The following SPON1 variants were observed in gnomAD, a reference collection of about 807,000 sequenced individuals.
The protein encoded by SPON1 is spondin 1, also known as spondin-1.
A neutral mutation model predicts 111.7 loss-of-function variants in SPON1; 52 were observed. The ratio of observed to expected loss-of-function variants is 0.47; its 90% CI spans 0.37 to 0.59. The LOEUF is 0.59. Among genes scored for constraint, SPON1 ranks in the 20% least tolerant of loss-of-function variants. The pLI is 0.00. For missense variants in SPON1, 957 were observed against 1,068.5 expected, an observed-to-expected ratio of 0.90 and a Z score of 1.46; for synonymous variants, 410 against 395.8, an observed-to-expected ratio of 1.04 and a Z score of -0.43.
At chr11:14,178,045 AACACACACAC>A (rs5789825) in intron 6 of SPON1, among the ~76,000 whole-genome samples, 3 of 142,606 alleles carry the variant, frequency 2.1e-5, no homozygotes, top group African/African-American at 7.6e-5. Flanking sequence ...CACACACACA[AACACACACAC>A]ACACACACAC....
chr11:14,173,112 C>T (rs1211655790), intron 6 of SPON1, among the ~76,000 whole-genome samples: 4 of 152,018 alleles, frequency 2.6e-5, no homozygotes, highest in Non-Finnish European at 4.4e-5. Flanking sequence ...CCATTCTCCC[C>T]GTCACTTTCA....
chr11:14,149,440 A>T (rs915771429), intron 6 of SPON1, among the ~76,000 whole-genome samples: 1 of 152,240 alleles, frequency 6.6e-6, no homozygotes, highest in African/African-American at 2.4e-5. Flanking sequence ...AGGTAAAAAA[A>T]AGTGTATAAA....
At chr11:14,218,912 G>T (rs1412039323) in intron 6 of SPON1, among the ~76,000 whole-genome samples, 3 of 152,178 alleles carry the variant, frequency 2.0e-5, no homozygotes, top group African/African-American at 7.2e-5. Flanking sequence ...CGTGAATTCT[G>T]AACAGTGAAG....
chr11:14,036,066 G>A (rs530154425), intron 2 of SPON1, among the ~76,000 whole-genome samples: 95 of 152,328 alleles, frequency 6.2e-4, no homozygotes, highest in Non-Finnish European at 1.2e-3. Flanking sequence ...TGTACAAAGT[G>A]CAGGAAGCAA....
At chr11:14,058,278 C>T (rs1467857793) in intron 3 of SPON1, among the ~76,000 whole-genome samples, 2 of 152,090 alleles carry the variant, frequency 1.3e-5, no homozygotes, top group East Asian at 1.9e-4. Flanking sequence ...ACCTTCATCA[C>T]ATCCCAAGTG....
In SPON1 at chr11:13,987,556, A is replaced by G. The variant is rs556014994; in HGVS notation, c.345+4603A>G. Among the ~76,000 whole-genome samples the G allele has an allele frequency of 2.0e-5, 3 of 152,264 alleles. No individual in the cohort carries two copies. In the South Asian group the frequency reaches 6.2e-4, roughly 32 times the overall value. ...TGCTGTGCAGAAGCTCTTTAGTTTA[A>G]TTAGATCCCATTTGTCAATTTTGGC... is the stretch of plus-strand genomic sequence containing the variant. On this transcript the variant is annotated intron_variant, in intron 2 of 15. Transcript: ENST00000576479.
intron 3 of SPON1, among the ~76,000 whole-genome samples, chr11:14,055,850 A>T (rs1340720123): frequency 4.6e-5 from 7 of 152,236 alleles, no homozygotes; most frequent in Admixed American, 1.3e-4. Flanking sequence ...TAGGCCCACG[A>T]GCCCAAGCTC....
chr11:14,198,934 C>T (rs554272549), intron 6 of SPON1, among the ~76,000 whole-genome samples: 2 of 152,204 alleles, frequency 1.3e-5, no homozygotes, highest in African/African-American at 4.8e-5. Flanking sequence ...ATGAGGTTTC[C>T]GAAAGATGAC....
At chr11:14,219,786 C>G (rs540047517) in intron 6 of SPON1, among the ~76,000 whole-genome samples, 1 of 152,256 alleles carries the variant, frequency 6.6e-6, no homozygotes, top group South Asian at 2.1e-4. Flanking sequence ...TTAGATAGCT[C>G]CATGATGTCC....
At chr11:14,195,125 T>C (rs1848386874) in intron 6 of SPON1, among the ~76,000 whole-genome samples, 1 of 152,196 alleles carries the variant, frequency 6.6e-6, no homozygotes, top group African/African-American at 2.4e-5. Flanking sequence ...AATGTCTTTT[T>C]CAAAAGTACA....
At chr11:13,963,984 C>T (rs1359098401) in intron 1 of SPON1, among the ~76,000 whole-genome samples, 1 of 152,172 alleles carries the variant, frequency 6.6e-6, no homozygotes, top group Non-Finnish European at 1.5e-5. Context: ...GTCGCGCCTA[C>T]GCCGCTCGGC....
chr11:13,991,423 A>G (rs1221043283), intron 2 of SPON1, among the ~76,000 whole-genome samples: 5 of 152,124 alleles, frequency 3.3e-5, no homozygotes, highest in African/African-American at 1.2e-4. Context: ...TTTCAGCTCC[A>G]TCAGGTCATT....
At chr11:14,127,505 C>A (rs955304169) in intron 5 of SPON1, among the ~76,000 whole-genome samples, 6 of 152,280 alleles carry the variant, frequency 3.9e-5, no homozygotes, top group Middle Eastern at 3.4e-3. Context: ...CCTCTCCCTT[C>A]CTATCCCTGG....
intron 3 of SPON1, among the ~76,000 whole-genome samples, chr11:14,045,478 C>T (rs1189488798): frequency 2.6e-5 from 4 of 151,598 alleles, no homozygotes; most frequent in African/African-American, 7.3e-5. Flanking sequence ...CTCAGGAGGC[C>T]GAGGCAGGAG....
At chr11:14,176,041 A>G (rs544438704) in intron 6 of SPON1, among the ~76,000 whole-genome samples, 1 of 152,246 alleles carries the variant, frequency 6.6e-6, no homozygotes, top group East Asian at 1.9e-4. Flanking sequence ...CTATGTGGGG[A>G]CAGATGACCT....
intron 6 of SPON1, among the ~76,000 whole-genome samples, chr11:14,240,589 T>TTGTGTGTGTGTGTGTGTGTGTGTG (rs56265194): frequency 1.4e-5 from 2 of 140,252 alleles, no homozygotes; most frequent in Non-Finnish European, 3.1e-5. Flanking sequence ...AGAAGCAATA[T>TTGTGTGTGTGTGTGTGTGTGTGTG]TGTGTGTGTG....
At chr11:14,238,845 T>A (rs147989505) in intron 6 of SPON1, among the ~76,000 whole-genome samples, 1 of 152,306 alleles carries the variant, frequency 6.6e-6, no homozygotes, top group African/African-American at 2.4e-5. Flanking sequence ...TTAATTGGTA[T>A]GTCTTTAGAA....
At chr11:13,995,390 T>C (rs1386099408) in intron 2 of SPON1, among the ~76,000 whole-genome samples, 1 of 152,140 alleles carries the variant, frequency 6.6e-6, no homozygotes, top group Non-Finnish European at 1.5e-5. Context: ...CAGTTCTGCA[T>C]AGCTGGGGAG....
chr11:14,259,502 A>C lies in SPON1; in HGVS notation c.1664-32A>C, dbSNP rs766491040. 1 of 1,569,454 alleles carries C rather than the reference A, an allele frequency of 6.4e-7. No homozygotes were observed. The highest frequency in any genetic ancestry group is 1.2e-5 in the South Asian group (1 of 85,484). On this transcript the variant is annotated intron_variant, in intron 12 of 15. Coordinates refer to ENST00000576479, the MANE Select transcript of SPON1 (RefSeq NM_006108.4). The surrounding 1 kb of genome is among the most constrained non-coding windows in gnomAD (Gnocchi z 5.0). ...CGGGCAAGTAGGTCGGGGAGGCAGC[A>C]GGTGCGACTCCAATGCCGCTGGCCT...
Sources: allele counts gnomAD v4.1 joint callset (sites outside exome capture counted in the v4.1 genomes callset), GRCh38; gene constraint gnomAD v4.1.1; non-coding constraint Gnocchi (gnomAD v3.1); transcripts MANE v1.5; gene names NCBI Gene and HGNC (gene_info 2026-07-23, HGNC 2026-07-21).